CTNND2: variants seen among roughly 807,000 people sequenced by gnomAD.
CTNND2 encodes the protein catenin delta-2.
Under a neutral mutation model 144.4 loss-of-function variants are expected in CTNND2, and 22 were observed. The ratio of observed to expected loss-of-function variants is 0.15; its 90% CI spans 0.11 to 0.22. The LOEUF (loss-of-function observed/expected upper bound fraction) is 0.22. Ranked by LOEUF, CTNND2 falls within the 10% of genes least tolerant of loss-of-function variation. The pLI, the probability that CTNND2 is intolerant of heterozygous loss-of-function variation, is 1.00. For synonymous variants in CTNND2, 751 were observed against 695.6 expected, an observed-to-expected ratio of 1.08 and a Z score of -1.25; for missense variants, 1,353 against 1,618.8, an observed-to-expected ratio of 0.84 and a Z score of 2.82.
chr5:11,110,615 C>G (rs527434311), intron 14 of CTNND2, among the ~76,000 whole-genome samples: 37 of 152,238 alleles, frequency 2.4e-4, no homozygotes, highest in African/African-American at 7.0e-4. Context: ...CTTGCTAGGG[C>G]CTCAGGTGTC....
intron 2 of CTNND2, among the ~76,000 whole-genome samples, chr5:11,605,468 AT>A (rs1779999037): frequency 6.6e-6 from 1 of 152,246 alleles, no homozygotes; most frequent in Non-Finnish European, 1.5e-5. Context: ...CTTTGCAAGA[AT>A]AAAAAGCCCC....
chr5:11,886,407 A>G (rs1020287470), intron 1 of CTNND2, among the ~76,000 whole-genome samples: 14 of 152,316 alleles, frequency 9.2e-5, no homozygotes, highest in African/African-American at 3.1e-4. Context: ...CAAGACTACT[A>G]TGAATAACTG....
chr5:11,802,806 C>T (rs1269340681), intron 1 of CTNND2, among the ~76,000 whole-genome samples: 2 of 152,084 alleles, frequency 1.3e-5, no homozygotes, highest in African/African-American at 2.4e-5. Context: ...TTATCAAATA[C>T]ATATTCATTC....
At chr5:11,106,526 G>C (rs61755671) in intron 14 of CTNND2, among the ~76,000 whole-genome samples, 1 of 152,200 alleles carries the variant, frequency 6.6e-6, no homozygotes, top group South Asian at 2.1e-4. Flanking sequence ...TGGGCAGTGG[G>C]GGCTGTCACC....
At chr5:11,532,099 T>C (rs945685804) in intron 3 of CTNND2, among the ~76,000 whole-genome samples, 1 of 152,086 alleles carries the variant, frequency 6.6e-6, no homozygotes, top group Non-Finnish European at 1.5e-5. Context: ...TGCCTGGCTG[T>C]GGACATAGAA....
At chr5:11,898,922 G>A (rs914225743) in intron 1 of CTNND2, among the ~76,000 whole-genome samples, 3 of 152,118 alleles carry the variant, frequency 2.0e-5, no homozygotes, top group African/African-American at 7.2e-5. Flanking sequence ...AAATTATGTT[G>A]CTGAAGATCA....
intron 7 of CTNND2, among the ~76,000 whole-genome samples, chr5:11,376,194 A>G (rs1487550323): frequency 2.0e-5 from 3 of 152,136 alleles, no homozygotes; most frequent in Admixed American, 6.5e-5. Context: ...AAGTTACACA[A>G]TTTATGATAT....
At chr5:11,509,238 C>T (rs1771391254) in intron 3 of CTNND2, among the ~76,000 whole-genome samples, 1 of 152,086 alleles carries the variant, frequency 6.6e-6, no homozygotes, top group African/African-American at 2.4e-5. Context: ...CATCAGTGAA[C>T]AGATTTGAGT....
chr5:11,746,059 G>C (rs1788294731), intron 1 of CTNND2, among the ~76,000 whole-genome samples: 1 of 152,112 alleles, frequency 6.6e-6, no homozygotes, highest in Non-Finnish European at 1.5e-5. Flanking sequence ...AGTTCGATCT[G>C]CTTTGCATGA....
At chr5:11,639,916 G>C (rs531283451) in intron 2 of CTNND2, among the ~76,000 whole-genome samples, 2 of 152,142 alleles carry the variant, frequency 1.3e-5, no homozygotes, top group African/African-American at 4.8e-5. Flanking sequence ...AACAATGAAA[G>C]TCTGGCTGGA....
chr5:11,717,374 G>A (rs1449684877), intron 2 of CTNND2, among the ~76,000 whole-genome samples: 1 of 150,984 alleles, frequency 6.6e-6, no homozygotes, highest in East Asian at 2.0e-4. Context: ...AAGACTTGGA[G>A]ACCAGCCTGG....
chr5:11,773,041 A>G (rs1490553795), intron 1 of CTNND2, among the ~76,000 whole-genome samples: 3 of 152,232 alleles, frequency 2.0e-5, no homozygotes, highest in African/African-American at 4.8e-5. Flanking sequence ...TGGAATGTCG[A>G]TATCACAAAA....
At position 11,010,713 on chromosome 5, in the gene CTNND2, T is replaced by C. The variant is rs570701882; in HGVS notation, c.3084+7261A>G. On this transcript the variant is annotated intron_variant, in intron 18 of 21. Coordinates refer to ENST00000304623, the MANE Select transcript of CTNND2 (RefSeq NM_001332.4). ...CATCTATAATTACTTATTGATTTCT[T>C]GTTTTGTGAGTGCAATGGCCGCAAG... 2.6e-5 allele frequency among the ~76,000 whole-genome samples: 4 copies of C among 152,336 alleles called. No homozygotes were observed. In the South Asian group the frequency reaches 6.2e-4, roughly 24 times the overall value.
chr5:11,266,177 T>C (rs1457360907), intron 9 of CTNND2, among the ~76,000 whole-genome samples: 1 of 152,218 alleles, frequency 6.6e-6, no homozygotes, highest in Non-Finnish European at 1.5e-5. Flanking sequence ...CTCAGATCCT[T>C]CAAATTAATA....
intron 1 of CTNND2, among the ~76,000 whole-genome samples, chr5:11,741,649 C>T (rs1433073777): frequency 6.6e-6 from 1 of 151,696 alleles, no homozygotes; most frequent in African/African-American, 2.4e-5. Flanking sequence ...AGCAAACCAA[C>T]ATGGCACATG....
intron 2 of CTNND2, among the ~76,000 whole-genome samples, chr5:11,666,673 G>T (rs1783584422): frequency 6.6e-6 from 1 of 152,026 alleles, no homozygotes; most frequent in Admixed American, 6.6e-5. Context: ...AACGTATGAG[G>T]GAAGGAAACC....
chr5:11,770,448 G>A (rs976355534), intron 1 of CTNND2, among the ~76,000 whole-genome samples: 3 of 136,742 alleles, frequency 2.2e-5, no homozygotes, highest in Middle Eastern at 3.5e-3. Context: ...AGGAAGGAAG[G>A]AAGGAAGGAA....
At position 10,988,132 on chromosome 5, in the gene CTNND2, A is replaced by G; in HGVS notation, c.3322T>C (p.Ser1108Pro). ...TCACCTGTCATGGCATCTTTCCTGG[A>G]AGTGTGTTCGCCTTTAGCTCCGTGG... ...TYHGAKGEHT[S>P]RKDAMTAQNT... Residue 1108 changes from serine to proline, a missense_variant, in exon 20 of 22, where the codon TCC (serine) becomes CCC (proline). Physicochemically the swap from Ser to Pro is moderately conservative, Grantham distance 74. Transcript: ENST00000304623. This position sits in a 1 kb window ranked among gnomAD's most constrained non-coding sequence, Gnocchi z 5.9. The G allele has an allele frequency of 6.2e-7, 1 of 1,614,140 alleles. No individual in the cohort carries two copies. Among genetic ancestry groups the G allele is most frequent in the East Asian group, 2.2e-5 (1 of 44,838 alleles).
At chr5:11,142,834 G>A (rs1756874703) in intron 12 of CTNND2, among the ~76,000 whole-genome samples, 1 of 151,920 alleles carries the variant, frequency 6.6e-6, no homozygotes, top group Non-Finnish European at 1.5e-5. Flanking sequence ...GGATGGTCTC[G>A]ATCTCCTGAC....
Sources: allele counts gnomAD v4.1 joint callset (sites outside exome capture counted in the v4.1 genomes callset), GRCh38; gene constraint gnomAD v4.1.1; non-coding constraint Gnocchi (gnomAD v3.1); transcripts MANE v1.5; gene names NCBI Gene and HGNC (gene_info 2026-07-23, HGNC 2026-07-21).